Variants in CARMIL1 observed in about 807,000 individuals in gnomAD.
The protein encoded by CARMIL1 is F-actin-uncapping protein LRRC16A.
Under a neutral mutation model 177.1 loss-of-function variants are expected in CARMIL1, and 90 were observed. That is an observed-to-expected ratio of 0.51 (90% CI 0.43 to 0.61). The LOEUF is 0.61. CARMIL1 is among the 20% of genes least tolerant of loss of function. CARMIL1 has a pLI of 0.00. For missense variants in CARMIL1, 1,380 were observed against 1,667.0 expected, an observed-to-expected ratio of 0.83 and a Z score of 3.00; for synonymous variants, 577 against 606.2, an observed-to-expected ratio of 0.95 and a Z score of 0.71.
At chr6:25,481,917 T>C (rs927125051) in intron 11 of CARMIL1, among the ~76,000 whole-genome samples, 1 of 152,182 alleles carries the variant, frequency 6.6e-6, no homozygotes, top group Non-Finnish European at 1.5e-5. Flanking sequence ...TAAGACAGGT[T>C]AAAAAGAAAA....
rs554018611 is a variant in CARMIL1, at chr6:25,482,563, T to A, written c.961+220T>A. On this transcript the variant is annotated intron_variant, in intron 12 of 36. Coordinates refer to ENST00000329474, the MANE Select transcript of CARMIL1 (RefSeq NM_017640.6). ...GTCAGAGCAGAGAGTAATTTTGACA[T>A]GTACATGCAGTCTTTAACTTTTAAA... Among the ~76,000 whole-genome samples the A allele has an allele frequency of 2.4e-4, 36 of 152,336 alleles. No homozygotes were observed. The South Asian group carries it at 7.0e-3, about 30-fold the overall frequency.
At chr6:25,299,707 G>A (rs1782697262) in intron 2 of CARMIL1, among the ~76,000 whole-genome samples, 1 of 152,014 alleles carries the variant, frequency 6.6e-6, no homozygotes, top group African/African-American at 2.4e-5. Flanking sequence ...TGGGCACGGT[G>A]GCTCATGCCT....
At chr6:25,461,366 G>A (rs980537233) in intron 8 of CARMIL1, among the ~76,000 whole-genome samples, 2 of 152,220 alleles carry the variant, frequency 1.3e-5, no homozygotes, top group Non-Finnish European at 2.9e-5. Flanking sequence ...CTATTGCTAT[G>A]TAACAAAGCC....
At chr6:25,497,513 G>A (rs1036083190) in intron 16 of CARMIL1, among the ~76,000 whole-genome samples, 1 of 152,128 alleles carries the variant, frequency 6.6e-6, no homozygotes, top group African/African-American at 2.4e-5. Context: ...AGCAGGATCA[G>A]ACAAAAGGGA....
intron 29 of CARMIL1, among the ~76,000 whole-genome samples, chr6:25,569,018 C>A (rs1274618286): frequency 3.3e-5 from 5 of 152,166 alleles, no homozygotes; most frequent in Non-Finnish European, 7.3e-5. Context: ...TTTCATTATA[C>A]CTTGGCTGTA....
intron 8 of CARMIL1, among the ~76,000 whole-genome samples, chr6:25,461,621 C>T (rs1385572084): frequency 6.6e-6 from 1 of 152,198 alleles, no homozygotes. Flanking sequence ...ATGAACATAG[C>T]TCTTAAAAAT....
intron 12 of CARMIL1, among the ~76,000 whole-genome samples, chr6:25,486,306 T>C (rs994925124): frequency 2.6e-5 from 4 of 152,316 alleles, no homozygotes; most frequent in Non-Finnish European, 5.9e-5. Flanking sequence ...AAATCCTTCA[T>C]GCTGTTTCAG....
chr6:25,306,700 C>T (rs1783299679), intron 2 of CARMIL1, among the ~76,000 whole-genome samples: 1 of 152,054 alleles, frequency 6.6e-6, no homozygotes, highest in Non-Finnish European at 1.5e-5. Context: ...CTTCAATGGA[C>T]CTTTGAATTG....
Position 25,600,001 on chromosome 6 carries a change from T to TTA in CARMIL1, c.3120-300_3120-299dup, listed in dbSNP as rs549440066. On this transcript the variant is annotated intron_variant, in intron 32 of 36. Coordinates refer to ENST00000329474, the MANE Select transcript of CARMIL1 (RefSeq NM_017640.6). ...TGGAATTCTCAAGCAGAGCAAGTGG[T>TTA]TATATATATATATAAAACAAGAAAC... is the stretch of plus-strand genomic sequence containing the variant. 5.1e-3 allele frequency among the ~76,000 whole-genome samples: 775 copies of TTA among 151,648 alleles called. 7 individuals carry two copies. The highest frequency in any genetic ancestry group is 0.017 in the African/African-American group (682 of 41,320).
Position 25,290,369 on chromosome 6 carries a change from CTT to C in CARMIL1, c.138+5482_138+5483del, listed in dbSNP as rs910242856. Among the ~76,000 whole-genome samples the C allele has an allele frequency of 2.5e-3, 237 of 95,340 alleles. 2 individuals are homozygous for C. Among genetic ancestry groups the C allele is most frequent in the African/African-American group, 8.1e-3 (204 of 25,322 alleles). The allele number at this position is 95,340 out of a possible 152,430, so 62.5% of individuals were successfully genotyped here. On this transcript the variant is annotated intron_variant, in intron 2 of 36. Coordinates refer to ENST00000329474, the MANE Select transcript of CARMIL1 (RefSeq NM_017640.6). ...CTTGGCCTCCCAAAGTGCTGGGATT[CTT>C]TTTTTTTTTTTTTTTTTTTTTGAGA...
Position 25,373,457 on chromosome 6 carries a change from G to T in CARMIL1, c.139-46657G>T, listed in dbSNP as rs181113375. On this transcript the variant is annotated intron_variant, in intron 2 of 36. Transcript: ENST00000329474. ...CTTCCTGATTCAAGCTAGGAAGATT[G>T]TATGTTTCCAGGAATTTGTCCATTT... Among the ~76,000 whole-genome samples, 705 of 147,178 alleles carry T rather than the reference G, an allele frequency of 4.8e-3. 11 individuals carry two copies. Among genetic ancestry groups the T allele is most frequent in the Middle Eastern group, 0.031 (9 of 286 alleles).
chr6:25,586,317 G>A (rs1169917787), intron 31 of CARMIL1, among the ~76,000 whole-genome samples: 1 of 149,570 alleles, frequency 6.7e-6, no homozygotes, highest in Non-Finnish European at 1.5e-5. Context: ...TTCCCAGACG[G>A]GGTCGCGGCC....
At chr6:25,282,178 A>T (rs967718237) in intron 1 of CARMIL1, among the ~76,000 whole-genome samples, 1 of 152,024 alleles carries the variant, frequency 6.6e-6, no homozygotes, top group Non-Finnish European at 1.5e-5. Flanking sequence ...AAATGTAGAG[A>T]AGAATAAGAA....
intron 2 of CARMIL1, among the ~76,000 whole-genome samples, chr6:25,285,716 C>G (rs1781469960): frequency 6.6e-6 from 1 of 152,066 alleles, no homozygotes; most frequent in South Asian, 2.1e-4. Context: ...ATATCGAACT[C>G]TGTGTACCTG....
chr6:25,423,982 G>A (rs72831253), intron 3 of CARMIL1, among the ~76,000 whole-genome samples: 6,563 of 152,046 alleles, frequency 0.043, 145 homozygotes, highest in Admixed American at 0.053. Flanking sequence ...GATGGGTTGC[G>A]GGGACCAGGA....
At chr6:25,353,065 TACCCACCA>T (rs1788263169) in intron 2 of CARMIL1, among the ~76,000 whole-genome samples, 2 of 152,202 alleles carry the variant, frequency 1.3e-5, no homozygotes, top group African/African-American at 4.8e-5. Flanking sequence ...AGCCTGGCTT[TACCCACCA>T]ACTGTAGGTC....
chr6:25,566,482 G>C (rs531019389), intron 29 of CARMIL1, among the ~76,000 whole-genome samples: 1 of 152,100 alleles, frequency 6.6e-6, no homozygotes, highest in Non-Finnish European at 1.5e-5. Context: ...GGCTGTCTTC[G>C]TGCTGTTTAG....
intron 23 of CARMIL1, among the ~76,000 whole-genome samples, chr6:25,526,036 G>A (rs1172565307): frequency 4.0e-5 from 6 of 151,848 alleles, no homozygotes; most frequent in Non-Finnish European, 7.4e-5. Context: ...AGGGCCGGGC[G>A]TGGTGGTTAA....
chr6:25,582,326 C>A (rs918056967), intron 31 of CARMIL1, among the ~76,000 whole-genome samples: 2 of 152,170 alleles, frequency 1.3e-5, no homozygotes, highest in Non-Finnish European at 2.9e-5. Flanking sequence ...TTTCCACTCA[C>A]CTCTTCAGCA....
Sources: allele counts gnomAD v4.1 joint callset (sites outside exome capture counted in the v4.1 genomes callset), GRCh38; gene constraint gnomAD v4.1.1; transcripts MANE v1.5; gene names NCBI Gene and HGNC (gene_info 2026-07-23, HGNC 2026-07-21).